CSMD3: variants seen among roughly 807,000 people sequenced by gnomAD.
The protein encoded by CSMD3 is CUB and sushi domain-containing protein 3.
A neutral mutation model predicts 435.2 loss-of-function variants in CSMD3; 177 were observed. The ratio of observed to expected loss-of-function variants is 0.41; its 90% confidence interval spans 0.36 to 0.46. CSMD3 has a LOEUF of 0.46. Among genes scored for constraint, CSMD3 ranks in the 20% least tolerant of loss-of-function variants. CSMD3 has a pLI of 0.34. For synonymous variants in CSMD3, 1,656 were observed against 1,520.5 expected (o/e 1.09, Z -2.07); for missense variants, 4,265 against 4,504.6 (o/e 0.95, Z 1.52).
At chr8:112,936,422 A>G (rs2083282169) in intron 9 of CSMD3, among the ~76,000 whole-genome samples, 1 of 152,138 alleles carries the variant, frequency 6.6e-6, no homozygotes. Context: ...ATTTACATAT[A>G]CATAATAAAG....
rs545998364 is a variant in CSMD3, at chr8:113,400,871, A to T, written c.178+35806T>A. On this transcript the variant is annotated intron_variant, in intron 1 of 70. Coordinates refer to ENST00000297405, the MANE Select transcript of CSMD3 (RefSeq NM_198123.2). The stretch of plus-strand genomic sequence containing the variant: ...GGTAGAGTTATATCATCTTTTATTT[A>T]TTGGTTGGAGAGTATTTATAATTAT... Among the ~76,000 whole-genome samples the T allele has an allele frequency of 9.9e-5, 15 of 151,928 alleles. No homozygotes were observed. In the South Asian group the frequency reaches 3.1e-3, roughly 32 times the overall value.
intron 3 of CSMD3, among the ~76,000 whole-genome samples, chr8:113,242,765 G>A (rs745915978): frequency 8.6e-5 from 13 of 151,858 alleles, no homozygotes; most frequent in Non-Finnish European, 1.8e-4. Flanking sequence ...AAATCCTACT[G>A]TGCTTGAAGT....
Position 112,406,745 on chromosome 8 carries a change from A to G in CSMD3, c.5606-18T>C, listed in dbSNP as rs1428480988. On this transcript the variant is annotated intron_variant, in intron 34 of 70. Coordinates refer to ENST00000297405, the MANE Select transcript of CSMD3 (RefSeq NM_198123.2). The stretch of plus-strand genomic sequence containing the variant: ...AGGAACAGCTGTGTAGAAATATTAT[A>G]TTTATTTTAATTTTATATGGTAGAC... 8 of 1,454,628 alleles carry G rather than the reference A, an allele frequency of 5.5e-6. No homozygotes were observed. The South Asian group carries it at 1.0e-4, about 19-fold the overall frequency. 90.1% of individuals were successfully genotyped at this position (1,454,628 alleles called of 1,614,324 possible).
intron 6 of CSMD3, among the ~76,000 whole-genome samples, chr8:112,990,492 CT>C (rs1461873096): frequency 6.6e-6 from 1 of 151,664 alleles, no homozygotes; most frequent in Admixed American, 6.6e-5. Context: ...CTAATCTGGT[CT>C]TGGGGGTCAA....
intron 22 of CSMD3, among the ~76,000 whole-genome samples, chr8:112,604,078 T>G (rs1349423458): frequency 6.6e-6 from 1 of 152,166 alleles, no homozygotes; most frequent in Non-Finnish European, 1.5e-5. Flanking sequence ...AAAACTAACA[T>G]TGTTTAACAT....
chr8:113,253,937 A>T (rs2093357809), intron 3 of CSMD3, among the ~76,000 whole-genome samples: 1 of 152,104 alleles, frequency 6.6e-6, no homozygotes, highest in Non-Finnish European at 1.5e-5. Context: ...TAGTTACAAG[A>T]TTTTTCTTCC....
chr8:112,870,656 T>A (rs1314144051), intron 10 of CSMD3, among the ~76,000 whole-genome samples: 3 of 152,170 alleles, frequency 2.0e-5, no homozygotes, highest in African/African-American at 7.2e-5. Flanking sequence ...AATATGTTTT[T>A]AATTCATTTG....
chr8:112,712,923 G>C (rs2076641863), intron 13 of CSMD3, among the ~76,000 whole-genome samples: 1 of 152,126 alleles, frequency 6.6e-6, no homozygotes, highest in African/African-American at 2.4e-5. Context: ...TTATTAGTCT[G>C]TCCTTAAAAA....
intron 3 of CSMD3, among the ~76,000 whole-genome samples, chr8:113,194,093 A>G (rs1005009506): frequency 2.0e-5 from 3 of 151,324 alleles, no homozygotes; most frequent in Non-Finnish European, 4.4e-5. Flanking sequence ...GGGGAAAAAA[A>G]CCTATACCAA....
chr8:112,628,744 A>G (rs908774762), intron 22 of CSMD3, among the ~76,000 whole-genome samples: 1 of 152,200 alleles, frequency 6.6e-6, no homozygotes, highest in Non-Finnish European at 1.5e-5. Flanking sequence ...TGAAATCTAG[A>G]AAGGGGAGAT....
chr8:112,596,378 G>A (rs906136784), intron 22 of CSMD3, among the ~76,000 whole-genome samples: 8 of 151,764 alleles, frequency 5.3e-5, no homozygotes, highest in African/African-American at 1.9e-4. Context: ...AGTCCTGAGT[G>A]ACCTACAAAG....
intron 10 of CSMD3, among the ~76,000 whole-genome samples, chr8:112,920,966 TA>T (rs1358788442): frequency 6.8e-6 from 1 of 146,008 alleles, no homozygotes; most frequent in Non-Finnish European, 1.5e-5. Flanking sequence ...CTGGTATTTA[TA>T]TATATATATG....
chr8:112,616,940 C>T (rs1181193442), intron 22 of CSMD3, among the ~76,000 whole-genome samples: 3 of 152,138 alleles, frequency 2.0e-5, no homozygotes, highest in African/African-American at 4.8e-5. Context: ...TCAACTGAAA[C>T]TAGGGAGATG....
rs539443580 is a variant in CSMD3, at chr8:112,290,943, G to A, written c.8974+567C>T. 3.2e-4 allele frequency among the ~76,000 whole-genome samples: 48 copies of A among 152,096 alleles called. No homozygotes were observed. In the Middle Eastern group the frequency reaches 0.014, roughly 43 times the overall value. On this transcript the variant is annotated intron_variant, in intron 56 of 70. Transcript: ENST00000297405. ...GTGTGTTACTTTAAGCATCTTGGCT[G>A]TAATCTATTTTATGTACATTCTACA...
chr8:113,009,852 G>A (rs1233294346), intron 6 of CSMD3, among the ~76,000 whole-genome samples: 1 of 151,618 alleles, frequency 6.6e-6, no homozygotes, highest in East Asian at 1.9e-4. Flanking sequence ...TTCAATAACA[G>A]CCGGTAGTAC....
At chr8:112,699,332 A>G (rs1363268867) in intron 13 of CSMD3, among the ~76,000 whole-genome samples, 1 of 152,106 alleles carries the variant, frequency 6.6e-6, no homozygotes, top group Admixed American at 6.6e-5. Context: ...AACTCCAAAC[A>G]CACCATCTTT....
chr8:112,264,299 C>T (rs970742566), intron 60 of CSMD3, among the ~76,000 whole-genome samples: 5 of 152,052 alleles, frequency 3.3e-5, no homozygotes, highest in Non-Finnish European at 5.9e-5. Context: ...TTCCCTTAAC[C>T]ACTTAGATTC....
intron 70 of CSMD3, among the ~76,000 whole-genome samples, chr8:112,225,202 T>A (rs2129773526): frequency 6.6e-6 from 1 of 152,230 alleles, no homozygotes; most frequent in East Asian, 1.9e-4. Flanking sequence ...TAAATTTTCT[T>A]ACAAAATTAG....
intron 5 of CSMD3, among the ~76,000 whole-genome samples, chr8:113,061,670 A>T (rs1278353135): frequency 1.3e-5 from 2 of 152,064 alleles, no homozygotes; most frequent in Non-Finnish European, 2.9e-5. Flanking sequence ...ATAACTCTAG[A>T]ATTTATATCC....
Sources: gnomAD v4.1 joint callset for allele counts (sites outside exome capture counted in the v4.1 genomes callset) on GRCh38, gnomAD v4.1.1 for gene constraint, MANE v1.5 for transcripts, NCBI Gene and HGNC (gene_info 2026-07-23, HGNC 2026-07-21) for gene names.